WBP2NL: variants seen among roughly 807,000 people sequenced by gnomAD.
WBP2NL encodes the protein postacrosomal sheath WW domain-binding protein.
In WBP2NL, 27 loss-of-function variants were observed where a neutral mutation model predicts 23.3. The ratio of observed to expected loss-of-function variants is 1.16; its 90% CI spans 0.85 to 1.60. The LOEUF (loss-of-function observed/expected upper bound fraction) is 1.60. Among genes scored for constraint, WBP2NL ranks in the 40% most tolerant of loss-of-function variants. The probability of loss-of-function intolerance (pLI) is 0.00; values close to 1 mark genes in which losing one functional copy is unlikely to be tolerated. For missense variants in WBP2NL, 370 were observed against 389.5 expected (o/e 0.95, Z 0.42); for synonymous variants, 151 against 145.9 (o/e 1.03, Z -0.25).
At chr22:42,045,064 TA>T (rs1339421092) in intron 8 of WBP2NL, among the ~76,000 whole-genome samples, 1 of 152,096 alleles carries the variant, frequency 6.6e-6, no homozygotes, top group Non-Finnish European at 1.5e-5. Flanking sequence ...CTCCTGGCCT[TA>T]ATCAATCCTC....
At chr22:42,008,202 CT>C (rs918995442) in intron 1 of WBP2NL, among the ~76,000 whole-genome samples, 1 of 138,070 alleles carries the variant, frequency 7.2e-6, no homozygotes, top group African/African-American at 2.7e-5. Context: ...CCCCCTCCCC[CT>C]CTCCTCCCCT....
At chr22:42,004,557 GCA>G (rs1922024658) in intron 1 of WBP2NL, among the ~76,000 whole-genome samples, 1 of 152,116 alleles carries the variant, frequency 6.6e-6, no homozygotes, top group South Asian at 2.1e-4. Flanking sequence ...TTGTGCCACT[GCA>G]CTCCAGCCTC....
chr22:42,047,102 T>C (rs1187154157), intron 8 of WBP2NL, among the ~76,000 whole-genome samples: 1 of 152,082 alleles, frequency 6.6e-6, no homozygotes, highest in African/African-American at 2.4e-5. Flanking sequence ...ATCTGGTATG[T>C]TGCAAGCTTT....
intron 1 of WBP2NL, among the ~76,000 whole-genome samples, chr22:42,010,118 G>A (rs888132862): frequency 2.0e-5 from 3 of 152,142 alleles, no homozygotes; most frequent in African/African-American, 7.2e-5. Context: ...CATAATTAGT[G>A]TATAGAAATG....
chr22:42,001,188 T>A lies in WBP2NL; in HGVS notation c.62+2308T>A. On this transcript the variant is annotated intron_variant, in intron 1 of 5. Coordinates refer to ENST00000328823, the MANE Select transcript of WBP2NL (RefSeq NM_152613.3). ...TTGCTTCCTTCATCATGAGTAATCT[T>A]CCTCCAGCAGTCAAATGTGCCTGTG... 6 of 768,808 alleles carry A rather than the reference T, an allele frequency of 7.8e-6. No homozygotes were observed. The South Asian group carries it at 8.5e-5, about 11-fold the overall frequency. The allele number at this position is 768,808 out of a possible 1,614,324, so 47.6% of individuals were successfully genotyped here.
intron 8 of WBP2NL, among the ~76,000 whole-genome samples, chr22:42,042,518 A>G (rs777465668): frequency 2.6e-5 from 4 of 152,088 alleles, no homozygotes; most frequent in Non-Finnish European, 5.9e-5. Flanking sequence ...ATTTTTCTCT[A>G]TCTTTGCTGA....
At chr22:42,000,318 A>G (rs1186431738) in intron 1 of WBP2NL, among the ~76,000 whole-genome samples, 1 of 151,986 alleles carries the variant, frequency 6.6e-6, no homozygotes, top group Non-Finnish European at 1.5e-5. Flanking sequence ...GCTTTGTTCC[A>G]TTTTGTGGTA....
At chr22:42,023,310 C>G (rs944625687) in intron 5 of WBP2NL, among the ~76,000 whole-genome samples, 6 of 151,766 alleles carry the variant, frequency 4.0e-5, no homozygotes, top group Non-Finnish European at 4.4e-5. Context: ...TCAGTACCCC[C>G]CAACCAGAGT....
chr22:42,006,526 C>G (rs1922271333), intron 1 of WBP2NL, among the ~76,000 whole-genome samples: 1 of 152,214 alleles, frequency 6.6e-6, no homozygotes, highest in Non-Finnish European at 1.5e-5. Context: ...AGCCACCGCT[C>G]CCAGCCGGCT....
intron 1 of WBP2NL, among the ~76,000 whole-genome samples, chr22:42,005,825 G>A (rs541511028): frequency 7.9e-5 from 12 of 152,140 alleles, no homozygotes; most frequent in Admixed American, 1.3e-4. Flanking sequence ...ATTGTAACAG[G>A]AAATGAAACA....
chr22:42,049,803 G>A (rs1258055460), intron 8 of WBP2NL, among the ~76,000 whole-genome samples: 1 of 147,648 alleles, frequency 6.8e-6, no homozygotes, highest in Non-Finnish European at 1.5e-5. Context: ...AAAAATAATT[G>A]ATAGGTTGAA....
At position 42,026,948 on chromosome 22, in the gene WBP2NL, G is replaced by T. The variant is rs1569451761; in HGVS notation, c.697G>T (p.Ala233Ser). 6.2e-7 allele frequency: 1 copy of T among 1,612,430 alleles called. No individual in the cohort carries two copies. Among genetic ancestry groups the T allele is most frequent in the Admixed American group, 1.7e-5 (1 of 59,862 alleles). Reference protein sequence around the residue: ...GYGAPPAGYGAPPLGYGAPPL... With the variant: ...GYGAPPAGYGSPPLGYGAPPL... The stretch of plus-strand genomic sequence containing the variant: ...CGGAGCCCCACCTGCAGGATATGGA[G>T]CCCCACCTCTAGGATATGGAGCCCC... Residue 233 changes from alanine (A) to serine (S), a missense_variant, in exon 6 of 6, where the codon GCC becomes TCC. Transcript: ENST00000328823.
At chr22:42,026,025 A>G (rs1924441989) in intron 5 of WBP2NL, among the ~76,000 whole-genome samples, 1 of 152,178 alleles carries the variant, frequency 6.6e-6, no homozygotes, top group Non-Finnish European at 1.5e-5. Context: ...TAATCCCAGC[A>G]CTTTGGGAGG....
downstream of WBP2NL, among the ~76,000 whole-genome samples, chr22:42,034,240 T>A (rs914478021): frequency 3.3e-5 from 5 of 152,234 alleles, no homozygotes; most frequent in African/African-American, 1.2e-4. Context: ...TCGGGGGACC[T>A]GCCCCAATAA....
chr22:42,034,716 G>C (rs1180468036), downstream of WBP2NL, among the ~76,000 whole-genome samples: 5 of 152,190 alleles, frequency 3.3e-5, no homozygotes, highest in South Asian at 2.1e-4. Context: ...TACGCCCCGG[G>C]GGGGCCAGTT....
At chr22:42,005,378 G>T (rs1332603785) in intron 1 of WBP2NL, among the ~76,000 whole-genome samples, 1 of 152,164 alleles carries the variant, frequency 6.6e-6, no homozygotes, top group Admixed American at 6.5e-5. Flanking sequence ...GTTGGGGGTG[G>T]TGGTGGGTTC....
chr22:42,034,372 C>T (rs1357478436), downstream of WBP2NL, among the ~76,000 whole-genome samples: 1 of 152,156 alleles, frequency 6.6e-6, no homozygotes, highest in Non-Finnish European at 1.5e-5. Flanking sequence ...TTGGTAGGAT[C>T]TGTGATGCCC....
chr22:42,008,184 C>T (rs1242606251), intron 1 of WBP2NL, among the ~76,000 whole-genome samples: 2 of 77,966 alleles, frequency 2.6e-5, no homozygotes, highest in African/African-American at 9.6e-5. Context: ...CCTCCCTTCC[C>T]TCTCCCTCCC....
At chr22:42,029,110 T>C (rs567338522), downstream of WBP2NL, among the ~76,000 whole-genome samples, 1 of 152,268 alleles carries the variant, frequency 6.6e-6, no homozygotes, top group South Asian at 2.1e-4. Context: ...CATTGGCCTT[T>C]CCTTATCTTA....
Sources: allele counts gnomAD v4.1 joint callset (sites outside exome capture counted in the v4.1 genomes callset), GRCh38; gene constraint gnomAD v4.1.1; transcripts MANE v1.5; gene names NCBI Gene and HGNC (gene_info 2026-07-23, HGNC 2026-07-21).